ZFYVE26: variants seen among roughly 807,000 people sequenced by gnomAD.
ZFYVE26 encodes the protein zinc finger FYVE domain-containing protein 26.
A neutral mutation model predicts 276.5 loss-of-function variants in ZFYVE26; 181 were observed. The observed-to-expected ratio is 0.65, with a 90% CI of 0.58 to 0.74. The LOEUF is 0.74. ZFYVE26 is among the 30% of genes least tolerant of loss of function. The pLI is 0.00. For missense variants in ZFYVE26, 2,821 were observed against 3,097.9 expected, an observed-to-expected ratio of 0.91 and a Z score of 2.12; for synonymous variants, 1,129 against 1,203.1, an observed-to-expected ratio of 0.94 and a Z score of 1.27.
At chr14:67,804,422 A>G (rs1300948770) in intron 8 of ZFYVE26, among the ~76,000 whole-genome samples, 158 bp from the exon 9 acceptor site, 1 of 152,186 alleles carries the variant, frequency 6.6e-6, no homozygotes, top group African/African-American at 2.4e-5. Context: ...GACTGAGCCT[A>G]ACATTTATTT....
chr14:67,762,762 C>T lies in ZFYVE26; in HGVS notation c.6069G>A (p.Val2023=). 6.2e-7 allele frequency: 1 copy of T among 1,614,204 alleles called. No homozygotes were observed. Among genetic ancestry groups the T allele is most frequent in the Non-Finnish European group, 8.5e-7 (1 of 1,180,050 alleles). Residue 2023 remains valine (V), a synonymous_variant, in exon 33 of 42, where the codon GTG becomes GTA. Coordinates refer to ENST00000347230, the MANE Select transcript of ZFYVE26 (RefSeq NM_015346.4). The part of the protein sequence containing the change: ...NILVAAAYRH[V]PSLDQILQPA... Reference sequence around the variant, plus strand: ...GCTGCAAGATCTGATCCAAAGATGGCACGTGGCGATAGGCAGCAGCAACTA... The same window carrying T: ...GCTGCAAGATCTGATCCAAAGATGGTACGTGGCGATAGGCAGCAGCAACTA...
Position 67,776,034 on chromosome 14 carries a change from C to T in ZFYVE26, c.5047G>A (p.Glu1683Lys), listed in dbSNP as rs778795412. ...ACCTTCATGTTCATAAGCAGCTGCT[C>T]CAGCATGAACAGGGGGTTAGAGGAC... ...HLSSNPLFML[E>K]QLLMNMKVDW... The change falls in exon 26 of 42, where the codon GAG becomes AAG. Residue 1683 changes from glutamate (E) to lysine (K), a missense_variant. Glu to Lys is a moderately conservative substitution (Grantham distance 56). Coordinates refer to ENST00000347230, the MANE Select transcript of ZFYVE26 (RefSeq NM_015346.4). The T allele has an allele frequency of 2.5e-6, 4 of 1,614,196 alleles. No individual in the cohort carries two copies. The highest frequency in any genetic ancestry group is 3.4e-6 in the Non-Finnish European group (4 of 1,180,038).
chr14:67,787,500 C>T (rs142724564), intron 16 of ZFYVE26, among the ~76,000 whole-genome samples: 2 of 152,138 alleles, frequency 1.3e-5, no homozygotes, highest in Admixed American at 6.5e-5. Flanking sequence ...AGGATAAATG[C>T]TTGAGGGGAT....
At chr14:67,806,234 T>A (rs570318064) in intron 6 of ZFYVE26, among the ~76,000 whole-genome samples, 24 of 152,344 alleles carry the variant, frequency 1.6e-4, no homozygotes, top group Admixed American at 2.6e-4. Flanking sequence ...AGTAATTAAA[T>A]TCTCCTGTCA....
chr14:67,775,919 A>G lies in ZFYVE26; in HGVS notation c.5162T>C (p.Leu1721Pro). Residue 1721 changes from leucine (L) to proline (P), a missense_variant, in exon 26 of 42, where the codon CTT (leucine) becomes CCT (proline). Physicochemically the swap from Leu to Pro is moderately conservative, Grantham distance 98. Transcript: ENST00000347230. Reference sequence around the variant, plus strand: ...CAGGGCTTTCTCTGCGTATCTGGAAAGCAGTGAGTCCACCTCGTCCATAGT... The same window carrying G: ...CAGGGCTTTCTCTGCGTATCTGGAAGGCAGTGAGTCCACCTCGTCCATAGT... ...GFTMDEVDSL[L>P]SRYAEKALDF... The G allele has an allele frequency of 6.2e-7, 1 of 1,614,230 alleles. No individual in the cohort carries two copies. Among genetic ancestry groups the G allele is most frequent in the Non-Finnish European group, 8.5e-7 (1 of 1,180,040 alleles).
At chr14:67,793,504 G>C (rs2039873659) in intron 14 of ZFYVE26, 104 bp downstream of exon 14, 1 of 1,321,760 alleles carries the variant, frequency 7.6e-7, no homozygotes. Context: ...TCTTCTGCTT[G>C]ATGTGGACCC....
At position 67,790,625 on chromosome 14, in the gene ZFYVE26, C is replaced by T. The variant is rs1454424407; in HGVS notation, c.2702G>A (p.Arg901Lys). The change falls in exon 15 of 42, where the codon AGA becomes AAA. Residue 901 changes from arginine to lysine, a missense_variant. Arg to Lys is a conservative substitution (Grantham distance 26). Transcript: ENST00000347230. ...TAGAGTTGAGCGGCCACTGCCAGTT[C>T]TCCGAATGGTGCTGCTACCCGCATC... ...NSDAGSSTIR[R>K]TGSGRSTLQA... The T allele has an allele frequency of 1.2e-6, 2 of 1,614,042 alleles. No homozygotes were observed. The highest frequency in any genetic ancestry group is 2.2e-5 in the South Asian group (2 of 91,084).
downstream of ZFYVE26, among the ~76,000 whole-genome samples, chr14:67,744,271 G>A (rs781234869): frequency 5.3e-5 from 8 of 152,122 alleles, no homozygotes; most frequent in Non-Finnish European, 1.0e-4. Context: ...ATCTATCCTA[G>A]GTTTAGAGTG....
intron 37 of ZFYVE26, 39 bp from the exon 38 acceptor site, chr14:67,754,251 G>T: frequency 6.2e-7 from 1 of 1,613,770 alleles, no homozygotes. Context: ...CCTCATGAGG[G>T]GCCCCAGGTG....
At chr14:67,797,460 T>C (rs2039977240) in intron 12 of ZFYVE26, 4 of 624,094 alleles carry the variant, frequency 6.4e-6, no homozygotes, top group Non-Finnish European at 1.1e-5. Flanking sequence ...TGCATGTGTA[T>C]ATATATAAAA....
At chr14:67,797,098 C>T (rs771545800) in intron 12 of ZFYVE26, 1 of 155,654 alleles carries the variant, frequency 6.4e-6, no homozygotes, top group Non-Finnish European at 1.4e-5. Flanking sequence ...AATATTAATC[C>T]CTATAGAAAA....
intron 7 of ZFYVE26, 54 bp downstream of exon 7, chr14:67,805,400 G>A (rs1296066016): frequency 1.1e-5 from 17 of 1,613,630 alleles, no homozygotes; most frequent in Admixed American, 1.7e-5. Flanking sequence ...GCCTAAGCCC[G>A]AAGCCCCACG....
chr14:67,761,956 G>A, intron 34 of ZFYVE26: 1 of 574,792 alleles, frequency 1.7e-6, no homozygotes, highest in Non-Finnish European at 3.1e-6. Context: ...GGGATTATAT[G>A]TCATATGTCA....
intron 2 of ZFYVE26, among the ~76,000 whole-genome samples, chr14:67,815,103 T>C (rs1479073401): frequency 1.3e-5 from 2 of 152,210 alleles, no homozygotes; most frequent in Admixed American, 6.5e-5. Flanking sequence ...GGGAATTCTT[T>C]TGTGGTAATG....
chr14:67,730,718 C>G (rs2038258804), intron 13 of ZFYVE26, among the ~76,000 whole-genome samples: 1 of 152,138 alleles, frequency 6.6e-6, no homozygotes, highest in Non-Finnish European at 1.5e-5. Context: ...ATTCTCCTGA[C>G]TCAGCCTCCT....
chr14:67,792,638 G>T (rs549772520), intron 14 of ZFYVE26, among the ~76,000 whole-genome samples: 1 of 152,120 alleles, frequency 6.6e-6, no homozygotes, highest in Non-Finnish European at 1.5e-5. Context: ...GAGACTGGGC[G>T]CAATGGCTCA....
downstream of ZFYVE26, among the ~76,000 whole-genome samples, chr14:67,742,828 TC>T (rs61025082): frequency 0.069 from 1,388 of 20,102 alleles, 37 homozygotes; most frequent in Middle Eastern, 0.12. Flanking sequence ...CTTTCTTCTT[TC>T]TTCTTCTTCT....
chr14:67,809,632 A>G lies in ZFYVE26; in HGVS notation c.274-343T>C, dbSNP rs571558944. On this transcript the variant is annotated intron_variant, in intron 3 of 41. Coordinates refer to ENST00000347230, the MANE Select transcript of ZFYVE26 (RefSeq NM_015346.4). ...GAGACAGGGTGTCACCATTTGGCCA[A>G]GCTGGTCTGGAACTCCTGACCTCAA... 3.3e-5 allele frequency among the ~76,000 whole-genome samples: 5 copies of G among 151,810 alleles called. No homozygotes were observed. In the South Asian group the frequency reaches 6.3e-4, roughly 19 times the overall value.
intron 19 of ZFYVE26, 72 bp from the exon 20 acceptor site, chr14:67,784,508 T>C (rs1435741255): frequency 5.0e-6 from 7 of 1,401,796 alleles, no homozygotes; most frequent in South Asian, 2.3e-5. Context: ...TTTCCCAGAA[T>C]TGAGAAAAAA....
Sources: allele counts gnomAD v4.1 joint callset (sites outside exome capture counted in the v4.1 genomes callset), GRCh38; gene constraint gnomAD v4.1.1; transcripts MANE v1.5; gene names NCBI Gene and HGNC (gene_info 2026-07-23, HGNC 2026-07-21).